Variants in ROR2 observed in about 807,000 individuals in gnomAD.
ROR2 encodes tyrosine-protein kinase transmembrane receptor ROR2.
In ROR2, 33 loss-of-function variants were observed where a neutral mutation model predicts 74.9. The ratio of observed to expected loss-of-function variants is 0.44; its 90% CI spans 0.33 to 0.59. ROR2 has a LOEUF of 0.59. Among genes scored for constraint, ROR2 ranks in the 20% least tolerant of loss-of-function variants. The probability of loss-of-function intolerance (pLI) is 0.02; values close to 1 mark genes in which losing one functional copy is unlikely to be tolerated. For synonymous variants in ROR2, 586 were observed against 558.7 expected, an observed-to-expected ratio of 1.05 and a Z score of -0.69; for missense variants, 1,216 against 1,313.8, an observed-to-expected ratio of 0.93 and a Z score of 1.15.
At chr9:91,756,225 G>C (rs1017985976) in intron 3 of ROR2, 124 bp from the exon 4 acceptor site, 2 of 879,182 alleles carry the variant, frequency 2.3e-6, no homozygotes, top group Admixed American at 3.8e-5. Flanking sequence ...AGCTGTCCTC[G>C]GGCCTCAGGC....
At chr9:91,752,670 T>C (rs1447848942) in intron 4 of ROR2, among the ~76,000 whole-genome samples, 1 of 152,188 alleles carries the variant, frequency 6.6e-6, no homozygotes, top group East Asian at 1.9e-4. Context: ...GATTTATGCA[T>C]TTGTCAGACC....
At chr9:91,752,194 A>C (rs768738086) in intron 4 of ROR2, among the ~76,000 whole-genome samples, 13 of 152,224 alleles carry the variant, frequency 8.5e-5, no homozygotes, top group Non-Finnish European at 1.9e-4. Flanking sequence ...TTATAAAATT[A>C]AGCACACACA....
Position 91,886,449 on chromosome 9 carries a change from G to T in ROR2, c.97+63418C>A, listed in dbSNP as rs570625206. Among the ~76,000 whole-genome samples the T allele has an allele frequency of 3.9e-5, 6 of 152,102 alleles. No homozygotes were observed. The South Asian group carries it at 1.2e-3, about 32-fold the overall frequency. On this transcript the variant is annotated intron_variant, in intron 1 of 8. Transcript: ENST00000375708. ...CACCCACTTGCTTCCTCCCCACACC[G>T]CGATCTGTCTACACCAGGGTCTCTG...
At chr9:91,857,105 G>A (rs1020895617) in intron 1 of ROR2, among the ~76,000 whole-genome samples, 2 of 152,250 alleles carry the variant, frequency 1.3e-5, no homozygotes, top group African/African-American at 2.4e-5. Flanking sequence ...GTGGCAGAGA[G>A]GAGACTAGAC....
At chr9:91,838,361 GAGT>G (rs1418506346) in intron 1 of ROR2, among the ~76,000 whole-genome samples, 1 of 152,156 alleles carries the variant, frequency 6.6e-6, no homozygotes, top group African/African-American at 2.4e-5. Flanking sequence ...ACACAGTGTT[GAGT>G]GAAGGGCTGA....
intron 1 of ROR2, among the ~76,000 whole-genome samples, chr9:91,853,215 G>A (rs1370752106): frequency 3.3e-5 from 5 of 152,186 alleles, no homozygotes; most frequent in East Asian, 3.9e-4. Flanking sequence ...GGGCTCCTCC[G>A]GGATGGGCCT....
intron 1 of ROR2, among the ~76,000 whole-genome samples, chr9:91,916,899 G>C (rs751068089): frequency 6.6e-6 from 1 of 152,060 alleles, no homozygotes; most frequent in African/African-American, 2.4e-5. Flanking sequence ...CAAAGAAGAG[G>C]CTTCACTAGA....
Position 91,848,826 on chromosome 9 carries a change from C to T in ROR2, c.98-73008G>A, listed in dbSNP as rs1829010695. On this transcript the variant is annotated intron_variant, in intron 1 of 8. Transcript: ENST00000375708. ...GCTGTAGTTGAAATACTGTACTAGA[C>T]TCATGCTGGCTGAGAGTTGGGAACA... Among the ~76,000 whole-genome samples the T allele has an allele frequency of 2.0e-5, 3 of 150,424 alleles. No homozygotes were observed. In the South Asian group the frequency reaches 6.4e-4, roughly 32 times the overall value.
At chr9:91,840,160 T>C (rs1233212611) in intron 1 of ROR2, among the ~76,000 whole-genome samples, 1 of 152,052 alleles carries the variant, frequency 6.6e-6, no homozygotes, top group Non-Finnish European at 1.5e-5. Context: ...GGGAGGCACA[T>C]TGGGAGTGGG....
chr9:91,876,344 G>A (rs540257595), intron 1 of ROR2, among the ~76,000 whole-genome samples: 58 of 151,120 alleles, frequency 3.8e-4, no homozygotes, highest in African/African-American at 1.1e-3. Flanking sequence ...ACTCCAGCAC[G>A]GGCGGCAGAG....
chr9:91,803,125 A>G (rs1471246097), intron 1 of ROR2, among the ~76,000 whole-genome samples: 4 of 152,226 alleles, frequency 2.6e-5, no homozygotes, highest in Admixed American at 2.0e-4. Flanking sequence ...AGAAAATGGT[A>G]CAGAAAAAAA....
intron 1 of ROR2, among the ~76,000 whole-genome samples, chr9:91,798,739 G>A (rs113810760): frequency 1.7e-4 from 26 of 151,712 alleles, no homozygotes; most frequent in African/African-American, 6.3e-4. Context: ...GAATTTTTCA[G>A]TGTGAGATGC....
chr9:91,889,586 G>T (rs1755329816), intron 1 of ROR2, among the ~76,000 whole-genome samples: 1 of 152,124 alleles, frequency 6.6e-6, no homozygotes, highest in South Asian at 2.1e-4. Context: ...TACAGGGCGG[G>T]CCAGAAGACC....
At chr9:91,929,784 T>C (rs895269073) in intron 1 of ROR2, among the ~76,000 whole-genome samples, 6 of 151,868 alleles carry the variant, frequency 4.0e-5, no homozygotes, top group African/African-American at 1.5e-4. Context: ...CACACCTCCA[T>C]AAACCCCAGG....
intron 4 of ROR2, among the ~76,000 whole-genome samples, chr9:91,742,074 T>C (rs577117340): frequency 2.6e-5 from 4 of 152,286 alleles, no homozygotes; most frequent in Non-Finnish European, 4.4e-5. Context: ...AGGAGTTTAA[T>C]TGGACTTACA....
intron 1 of ROR2, among the ~76,000 whole-genome samples, chr9:91,842,237 T>C (rs1165418484): frequency 2.6e-5 from 4 of 152,172 alleles, no homozygotes; most frequent in Non-Finnish European, 4.4e-5. Context: ...ATTTTCCTCA[T>C]CCCCTAATTA....
chr9:91,767,559 A>G (rs1409029840), intron 2 of ROR2, among the ~76,000 whole-genome samples: 1 of 152,230 alleles, frequency 6.6e-6, no homozygotes, highest in Non-Finnish European at 1.5e-5. Context: ...AATTTCCTGG[A>G]AGGGCACATG....
intron 1 of ROR2, among the ~76,000 whole-genome samples, chr9:91,819,073 C>G (rs1828044301): frequency 6.6e-6 from 1 of 152,198 alleles, no homozygotes. Context: ...CAGCCAGAAG[C>G]CTGGTGGGTC....
At position 91,723,318 on chromosome 9, in the gene ROR2, T is replaced by G; in HGVS notation, c.*344A>C. On this transcript the variant is annotated 3_prime_UTR_variant, in exon 9 of 9. Coordinates refer to ENST00000375708, the MANE Select transcript of ROR2 (RefSeq NM_004560.4). ...CGTTTTGAAATATTCACTCCATATATGACATGGAGTGAAGCTGCCACCTAT... is the reference window on the plus strand; with the variant it reads ...CGTTTTGAAATATTCACTCCATATAGGACATGGAGTGAAGCTGCCACCTAT... 1 of 291,826 alleles carries G rather than the reference T, an allele frequency of 3.4e-6. No homozygotes were observed. The highest frequency in any genetic ancestry group is 6.5e-6 in the Non-Finnish European group (1 of 154,824). 18.1% of individuals were successfully genotyped at this position (291,826 alleles called of 1,614,324 possible).
Sources: gnomAD v4.1 joint callset for allele counts (sites outside exome capture counted in the v4.1 genomes callset) on GRCh38, gnomAD v4.1.1 for gene constraint, MANE v1.5 for transcripts, NCBI Gene and HGNC (gene_info 2026-07-23, HGNC 2026-07-21) for gene names.